TTLL8: variants seen among roughly 807,000 people sequenced by gnomAD.
TTLL8 encodes tubulin tyrosine ligase like 8.
Under a neutral mutation model 77.8 loss-of-function variants are expected in TTLL8, and 65 were observed. That is an observed-to-expected ratio of 0.84 (90% confidence interval 0.68 to 1.03). The LOEUF is 1.03. Among genes scored for constraint, TTLL8 ranks in the 50% least tolerant of loss-of-function variants. The pLI, the probability that TTLL8 is intolerant of heterozygous loss-of-function variation, is 0.00. For synonymous variants in TTLL8, 402 were observed against 422.8 expected (o/e 0.95, Z 0.60); for missense variants, 910 against 1,004.5 (o/e 0.91, Z 1.27).
chr22:50,057,261 T>C (rs1282271295), upstream of TTLL8, among the ~76,000 whole-genome samples: 1 of 86,334 alleles, frequency 1.2e-5, no homozygotes, highest in South Asian at 4.4e-4. Flanking sequence ...AGTTCTAGGT[T>C]GGGGTCAGGT....
At chr22:50,057,215 C>T (rs59410288), upstream of TTLL8, among the ~76,000 whole-genome samples, 1 of 51,142 alleles carries the variant, frequency 2.0e-5, no homozygotes, top group South Asian at 7.7e-4. Flanking sequence ...TAGGGGTCAG[C>T]TCTGGGGTTG....
At chr22:50,050,810 G>A (rs550094222) in intron 1 of TTLL8, among the ~76,000 whole-genome samples, 41 of 152,282 alleles carry the variant, frequency 2.7e-4, no homozygotes, top group Admixed American at 1.7e-3. Flanking sequence ...CCCCAGTCAC[G>A]TTTCCCATGC....
At position 50,041,282 on chromosome 22, in the gene TTLL8, G is replaced by A. The variant is rs1208129695; in HGVS notation, c.831-5C>T. ...ATGCTACTCCCCAAAGGCACCCTGA[G>A]GGGGTATCATCCTCTCAACAGTCAT... On this transcript the variant is annotated splice_region_variant and splice_polypyrimidine_tract_variant and intron_variant, in intron 7 of 13. Transcript: ENST00000266182. The surrounding 1 kb of genome is among the most constrained non-coding windows in gnomAD (Gnocchi z 4.3). 7.9e-6 allele frequency: 4 copies of A among 507,086 alleles called. No homozygotes were observed. Among genetic ancestry groups the A allele is most frequent in the African/African-American group, 6.0e-5 (3 of 50,034 alleles). The allele number at this position is 507,086 out of a possible 1,614,324, so 31.4% of individuals were successfully genotyped here.
chr22:50,042,044 G>T (rs138461957), intron 6 of TTLL8, among the ~76,000 whole-genome samples: 275 of 152,252 alleles, frequency 1.8e-3, no homozygotes, highest in African/African-American at 6.5e-3. Context: ...CCTCCTGAAC[G>T]GTCCCAACCT....
intron 12 of TTLL8, among the ~76,000 whole-genome samples, 154 bp from the exon 14 acceptor site, chr22:50,018,945 A>C (rs1311336823): frequency 2.0e-5 from 3 of 152,198 alleles, no homozygotes; most frequent in African/African-American, 7.2e-5. Flanking sequence ...GCAAAGAGGA[A>C]TGTATGTAGT....
chr22:50,054,207 T>C (rs980118047), intron 1 of TTLL8, among the ~76,000 whole-genome samples: 1 of 152,002 alleles, frequency 6.6e-6, no homozygotes, highest in Non-Finnish European at 1.5e-5. Context: ...GCAGTGGAAA[T>C]CGACACACCA....
intron 5 of TTLL8, 64 bp downstream of exon 7, chr22:50,045,792 G>A: frequency 1.6e-6 from 2 of 1,282,654 alleles, no homozygotes; most frequent in Non-Finnish European, 2.0e-6. Flanking sequence ...CTCAGCACCA[G>A]GGGGATCTTT....
At chr22:50,054,338 C>T (rs2061459788) in intron 1 of TTLL8, among the ~76,000 whole-genome samples, 1 of 152,148 alleles carries the variant, frequency 6.6e-6, no homozygotes, top group African/African-American at 2.4e-5. Flanking sequence ...TCCCCAGACA[C>T]ATATGGGGAG....
At chr22:50,053,208 C>T (rs1456790499) in intron 1 of TTLL8, among the ~76,000 whole-genome samples, 6 of 133,354 alleles carry the variant, frequency 4.5e-5, no homozygotes, top group Admixed American at 8.2e-5. Flanking sequence ...GGTGACAGAG[C>T]GAGACTCCAT....
chr22:50,049,320 C>G, exon 3 of TTLL8: 1 of 1,367,556 alleles, frequency 7.3e-7, no homozygotes. Context: ...GCACATGTAT[C>G]ATCTGCCAAC....
At chr22:50,031,695 C>A (rs777562289) in exon 11 of TTLL8, 36 of 1,300,572 alleles carry the variant, frequency 2.8e-5, no homozygotes, top group Non-Finnish European at 3.5e-5. Flanking sequence ...CCTGCCTCCA[C>A]AGGAGCTCGA....
intron 12 of TTLL8, among the ~76,000 whole-genome samples, 143 bp from the exon 14 acceptor site, chr22:50,018,934 G>A (rs2061180513): frequency 6.6e-6 from 1 of 152,224 alleles, no homozygotes; most frequent in Non-Finnish European, 1.5e-5. Context: ...AAGAGTGAAG[G>A]GCAAAGAGGA....
At chr22:50,031,973 C>T (rs367974537) in exon 11 of TTLL8, 148 of 1,366,734 alleles carry the variant, frequency 1.1e-4, no homozygotes, top group Non-Finnish European at 1.3e-4. Flanking sequence ...CTGCCCCACA[C>T]GGCGCCACGG....
chr22:50,036,338 T>C (rs1270278576), intron 8 of TTLL8, among the ~76,000 whole-genome samples: 1 of 152,210 alleles, frequency 6.6e-6, no homozygotes, highest in Non-Finnish European at 1.5e-5. Flanking sequence ...CCCCTGGGTC[T>C]TCCTTTTAAT....
At chr22:50,028,512 G>A (rs972478654) in intron 12 of TTLL8, among the ~76,000 whole-genome samples, 1 of 152,078 alleles carries the variant, frequency 6.6e-6, no homozygotes, top group African/African-American at 2.4e-5. Flanking sequence ...TCCGTGAGTG[G>A]GTCCCAGCCC....
At chr22:50,049,404 C>A in intron 2 of TTLL8, 82 bp from the exon 5 acceptor site, 2 of 1,333,700 alleles carry the variant, frequency 1.5e-6, no homozygotes, top group Non-Finnish European at 2.0e-6. Context: ...CAACCGCAGG[C>A]AGGACAGCGA....
intron 10 of TTLL8, 25 bp from the exon 12 acceptor site, chr22:50,032,134 G>C: frequency 1.5e-6 from 2 of 1,335,376 alleles, no homozygotes; most frequent in Non-Finnish European, 2.0e-6. Flanking sequence ...AGGGGCAGGT[G>C]CTCAGCCTCC....
At chr22:50,047,497 C>T (rs1219340673) in intron 3 of TTLL8, among the ~76,000 whole-genome samples, 1 of 152,198 alleles carries the variant, frequency 6.6e-6, no homozygotes, top group Non-Finnish European at 1.5e-5. Flanking sequence ...ACGGTTTCCA[C>T]AGAGGGGCCT....
chr22:50,028,628 ACATACCCTCGTAAAGACCCCAT>A (rs2061249241), intron 12 of TTLL8, among the ~76,000 whole-genome samples: 13 of 54,148 alleles, frequency 2.4e-4, no homozygotes, highest in South Asian at 8.4e-4. Flanking sequence ...GAAGACCCCC[ACATACCCTCGTAAAGACCCCAT>A]CACACCATCC....
Sources: gnomAD v4.1 joint callset for allele counts (sites outside exome capture counted in the v4.1 genomes callset) on GRCh38, gnomAD v4.1.1 for gene constraint, Gnocchi (gnomAD v3.1) non-coding constraint, MANE v1.5 for transcripts, NCBI Gene and HGNC (gene_info 2026-07-23, HGNC 2026-07-21) for gene names.